Variants in PCDHGA11 observed in about 807,000 individuals in gnomAD.
The protein encoded by PCDHGA11 is protocadherin gamma-A11.
PCDHGA11 carries 39 observed loss-of-function variants against 60.4 expected under a neutral mutation model. The observed-to-expected ratio is 0.65, with a 90% CI of 0.50 to 0.84. The LOEUF (loss-of-function observed/expected upper bound fraction) is 0.84. PCDHGA11 is among the 40% of genes least tolerant of loss of function. The pLI is 0.00. For synonymous variants in PCDHGA11, 533 were observed against 510.3 expected (o/e 1.04, Z -0.60); for missense variants, 1,165 against 1,197.7 (o/e 0.97, Z 0.40).
intron 1 of PCDHGA11, among the ~76,000 whole-genome samples, chr5:141,444,312 C>G (rs2098431691): frequency 6.6e-6 from 1 of 151,856 alleles, no homozygotes; most frequent in Non-Finnish European, 1.5e-5. Flanking sequence ...GCTAGGATTA[C>G]AGGCATGTGC....
intron 2 of PCDHGA11, among the ~76,000 whole-genome samples, chr5:141,505,050 T>C (rs1190927211): frequency 2.0e-5 from 3 of 152,130 alleles, no homozygotes; most frequent in Non-Finnish European, 4.4e-5. Context: ...TCATCCCAGC[T>C]ACTTGGGAGA....
intron 1 of PCDHGA11, among the ~76,000 whole-genome samples, chr5:141,438,564 T>A (rs1192918137): frequency 1.5e-5 from 2 of 137,114 alleles, no homozygotes; most frequent in Non-Finnish European, 3.1e-5. Flanking sequence ...AAGAGGCAGC[T>A]GTCTGATATA....
intron 1 of PCDHGA11, among the ~76,000 whole-genome samples, chr5:141,474,143 TATC>T (rs1371874237): frequency 1.3e-5 from 2 of 152,188 alleles, no homozygotes; most frequent in Non-Finnish European, 2.9e-5. Context: ...CAGGCCTTAT[TATC>T]AAGAAAATGA....
intron 1 of PCDHGA11, chr5:141,478,182 AT>A: frequency 6.2e-7 from 1 of 1,613,984 alleles, no homozygotes. Context: ...CAGAAAAAAA[AT>A]CTCACCTTTT....
intron 3 of PCDHGA11, among the ~76,000 whole-genome samples, chr5:141,509,620 C>G (rs1321910971): frequency 6.6e-6 from 1 of 152,188 alleles, no homozygotes; most frequent in African/African-American, 2.4e-5. Context: ...TAAACAAGTT[C>G]CTGGGTGATG....
chr5:141,474,993 C>A (rs1313232385), intron 1 of PCDHGA11, among the ~76,000 whole-genome samples: 24 of 152,324 alleles, frequency 1.6e-4, no homozygotes. Context: ...GACAACAATT[C>A]TAAATGCAGA....
Position 141,485,684 on chromosome 5 carries a change from A to T in PCDHGA11, c.2434-9123A>T, listed in dbSNP as rs746176226. On this transcript the variant is annotated intron_variant, in intron 1 of 3. Transcript: ENST00000398587. The surrounding 1 kb of genome is among the most constrained non-coding windows in gnomAD (Gnocchi z 5.7). ...GGGGAGCAATTCGATTAGCAGCTAT[A>T]GGCTGAGCTCCAATGAACACTTTGC... 1 of 1,614,056 alleles carries T rather than the reference A, an allele frequency of 6.2e-7. No homozygotes were observed. The highest frequency in any genetic ancestry group is 1.1e-5 in the South Asian group (1 of 91,082).
intron 1 of PCDHGA11, among the ~76,000 whole-genome samples, chr5:141,452,054 C>A (rs578157525): frequency 6.4e-4 from 97 of 152,196 alleles, no homozygotes; most frequent in African/African-American, 2.2e-3. Flanking sequence ...TTTGTAATAA[C>A]TTATTCTACT....
chr5:141,490,597 C>T lies in PCDHGA11; in HGVS notation c.2434-4210C>T, dbSNP rs781077720. Reference sequence around the variant, plus strand: ...TTCAGATGTCAATGACAATGCACCCCGCTTCAACCAGCAGCTTTACACTGC... The same window carrying T: ...TTCAGATGTCAATGACAATGCACCCTGCTTCAACCAGCAGCTTTACACTGC... On this transcript the variant is annotated intron_variant, in intron 1 of 3. Coordinates refer to ENST00000398587, the MANE Select transcript of PCDHGA11 (RefSeq NM_018914.3). The surrounding 1 kb of genome is among the most constrained non-coding windows in gnomAD (Gnocchi z 5.4). The T allele has an allele frequency of 1.2e-5, 20 of 1,614,182 alleles. No homozygotes were observed. The highest frequency in any genetic ancestry group is 3.3e-5 in the Admixed American group (2 of 60,026).
intron 1 of PCDHGA11, among the ~76,000 whole-genome samples, chr5:141,471,869 G>A (rs1234106506): frequency 6.6e-6 from 1 of 152,172 alleles, no homozygotes; most frequent in Non-Finnish European, 1.5e-5. Flanking sequence ...AACTGTGGTT[G>A]CCTGAGGCTG....
At chr5:141,449,266 G>T (rs1398403120) in intron 1 of PCDHGA11, among the ~76,000 whole-genome samples, 1 of 152,042 alleles carries the variant, frequency 6.6e-6, no homozygotes, top group Non-Finnish European at 1.5e-5. Context: ...ACAAAGAACT[G>T]TATCTCCTTC....
At chr5:141,427,776 G>T (rs3828681) in intron 1 of PCDHGA11, 8 of 1,424,704 alleles carry the variant, frequency 5.6e-6, no homozygotes, top group Non-Finnish European at 9.8e-7. Context: ...GGAGCTGCGG[G>T]CACTGTCGTC....
intron 1 of PCDHGA11, among the ~76,000 whole-genome samples, chr5:141,452,760 G>A (rs920853226): frequency 3.3e-5 from 5 of 152,120 alleles, no homozygotes; most frequent in Non-Finnish European, 7.4e-5. Context: ...AAGGAAGGGA[G>A]GGAGGGAAAA....
In PCDHGA11 at chr5:141,489,684, T is replaced by A; in HGVS notation, c.2434-5123T>A. 1 of 1,614,180 alleles carries A rather than the reference T, an allele frequency of 6.2e-7. No homozygotes were observed. Among genetic ancestry groups the A allele is most frequent in the South Asian group, 1.1e-5 (1 of 91,078 alleles). ...TGCGCATCTCAGAATCAGCAGCATC[T>A]GGGGCACGATTCCCACTGGACAGTG... On this transcript the variant is annotated intron_variant, in intron 1 of 3. Transcript: ENST00000398587. This position sits in a 1 kb window ranked among gnomAD's most constrained non-coding sequence, Gnocchi z 4.5.
chr5:141,446,482 CT>C (rs112180482), intron 1 of PCDHGA11, among the ~76,000 whole-genome samples: 30,290 of 146,632 alleles, frequency 0.21, 3,322 homozygotes, highest in African/African-American at 0.31. Flanking sequence ...GGTCATCATT[CT>C]TTTTTTTTTT....
At chr5:141,451,954 G>A (rs2098729151) in intron 1 of PCDHGA11, among the ~76,000 whole-genome samples, 1 of 152,084 alleles carries the variant, frequency 6.6e-6, no homozygotes, top group Non-Finnish European at 1.5e-5. Flanking sequence ...CCGAGAAAGT[G>A]ACATACCATC....
intron 1 of PCDHGA11, 179 bp downstream of exon 1, chr5:141,423,839 A>C: frequency 7.8e-7 from 1 of 1,279,970 alleles, no homozygotes; most frequent in Admixed American, 3.8e-5. Flanking sequence ...AGATTACGAT[A>C]ATCTTTCAGA....
chr5:141,463,018 T>C (rs1318740358), intron 1 of PCDHGA11, among the ~76,000 whole-genome samples: 1 of 152,212 alleles, frequency 6.6e-6, no homozygotes, highest in Admixed American at 6.5e-5. Flanking sequence ...AATTCTGACT[T>C]TTTTGATTAA....
intron 2 of PCDHGA11, among the ~76,000 whole-genome samples, chr5:141,499,015 AG>A (rs2099788530): frequency 6.6e-6 from 1 of 151,284 alleles, no homozygotes; most frequent in Non-Finnish European, 1.5e-5. Context: ...GAAGGAAGGA[AG>A]GAAGGAAGGA....
Sources: allele counts gnomAD v4.1 joint callset (sites outside exome capture counted in the v4.1 genomes callset), GRCh38; gene constraint gnomAD v4.1.1; non-coding constraint Gnocchi (gnomAD v3.1); transcripts MANE v1.5; gene names NCBI Gene and HGNC (gene_info 2026-07-23, HGNC 2026-07-21).